Variants in TRIM2 observed in about 807,000 individuals in gnomAD.
TRIM2 encodes tripartite motif-containing protein 2.
A neutral mutation model predicts 75.2 loss-of-function variants in TRIM2; 20 were observed. The ratio of observed to expected loss-of-function variants is 0.27; its 90% CI spans 0.19 to 0.39. The LOEUF is 0.39. TRIM2 is among the 10% of genes least tolerant of loss of function. TRIM2 has a pLI of 1.00. For missense variants in TRIM2, 660 were observed against 990.8 expected, an observed-to-expected ratio of 0.67 and a Z score of 4.48; for synonymous variants, 373 against 388.3, an observed-to-expected ratio of 0.96 and a Z score of 0.46.
At chr4:153,193,561 T>C in intron 1 of TRIM2, among the ~76,000 whole-genome samples, 1 of 152,232 alleles carries the variant, frequency 6.6e-6, no homozygotes, top group East Asian at 1.9e-4. Flanking sequence ...TGCTAAACAC[T>C]GTTCTAAATG....
chr4:153,275,231 C>T (rs893290742), intron 2 of TRIM2, among the ~76,000 whole-genome samples: 7 of 152,116 alleles, frequency 4.6e-5, no homozygotes, highest in Non-Finnish European at 1.0e-4. Context: ...CAATGAGCAG[C>T]ATATGTGTGA....
At chr4:153,263,745 G>A (rs1297649018) in intron 1 of TRIM2, among the ~76,000 whole-genome samples, 1 of 152,226 alleles carries the variant, frequency 6.6e-6, no homozygotes, top group Non-Finnish European at 1.5e-5. Context: ...AGTTCTAGAG[G>A]TTAGGAAATC....
At chr4:153,163,590 T>C (rs1414891618) in intron 1 of TRIM2, among the ~76,000 whole-genome samples, 2 of 141,834 alleles carry the variant, frequency 1.4e-5, no homozygotes, top group East Asian at 4.3e-4. Context: ...CAACCTCCGC[T>C]TCCCAGGTTT....
At chr4:153,227,844 C>T (rs549208557) in intron 1 of TRIM2, among the ~76,000 whole-genome samples, 2 of 152,268 alleles carry the variant, frequency 1.3e-5, no homozygotes, top group Admixed American at 6.5e-5. Flanking sequence ...TTTGCCTTAG[C>T]AGCAGCAAAA....
At chr4:153,326,455 G>A (rs1278733680) in intron 10 of TRIM2, among the ~76,000 whole-genome samples, 3 of 152,088 alleles carry the variant, frequency 2.0e-5, no homozygotes, top group Non-Finnish European at 4.4e-5. Flanking sequence ...TGTAATGCTG[G>A]GCAGTTAGCA....
chr4:153,270,554 G>A (rs781745048), intron 2 of TRIM2, 35 bp downstream of exon 2: 6 of 1,557,948 alleles, frequency 3.9e-6, no homozygotes, highest in South Asian at 1.2e-5. Flanking sequence ...AGGGAGTTTC[G>A]CAGGCTGACC....
Position 153,337,698 on chromosome 4 carries a change from G to A in TRIM2, c.*2732G>A. ...TGGAAAATGGTTTCTGGTAAACTGAGAAGGATATTAAAATAAGTGGCTTTT... is the reference window on the plus strand; with the variant it reads ...TGGAAAATGGTTTCTGGTAAACTGAAAAGGATATTAAAATAAGTGGCTTTT... On this transcript the variant is annotated 3_prime_UTR_variant, in exon 12 of 12. Transcript: ENST00000338700. The A allele has an allele frequency of 2.0e-6, 2 of 985,820 alleles. No homozygotes were observed. Among genetic ancestry groups the A allele is most frequent in the South Asian group, 4.7e-5 (1 of 21,284 alleles). 61.1% of individuals were successfully genotyped at this position (985,820 alleles called of 1,614,324 possible).
intron 6 of TRIM2, among the ~76,000 whole-genome samples, chr4:153,298,714 C>T (rs568973471): frequency 2.0e-5 from 3 of 152,242 alleles, no homozygotes; most frequent in East Asian, 3.9e-4. Context: ...CTTTCAGCAA[C>T]TTTCAAGTGT....
intron 1 of TRIM2, among the ~76,000 whole-genome samples, chr4:153,233,312 A>G (rs920650463): frequency 2.6e-5 from 4 of 152,188 alleles, no homozygotes; most frequent in African/African-American, 9.6e-5. Flanking sequence ...AAAGAAAGGA[A>G]GGAAGGAAGT....
intron 3 of TRIM2, among the ~76,000 whole-genome samples, chr4:153,281,013 C>T (rs1040084796): frequency 6.6e-6 from 1 of 151,898 alleles, no homozygotes; most frequent in Non-Finnish European, 1.5e-5. Context: ...AAAGCACTTA[C>T]AAATTAAGAA....
At chr4:153,292,932 G>A (rs754426762) in intron 3 of TRIM2, 50 bp from the exon 4 acceptor site, 8 of 1,517,660 alleles carry the variant, frequency 5.3e-6, no homozygotes, top group Admixed American at 3.9e-5. Context: ...TGTAGAGTAA[G>A]CCCTCAACCC....
In TRIM2 at chr4:153,244,361, T is replaced by TTCC. The variant is rs1560874418; in HGVS notation, c.31-25972_31-25971insCTC. Among the ~76,000 whole-genome samples, 74 of 26,898 alleles carry TTCC rather than the reference T, an allele frequency of 2.8e-3. 1 individual carries two copies. The highest frequency in any genetic ancestry group is 3.5e-3 in the South Asian group (2 of 572). 17.6% of individuals were successfully genotyped at this position (26,898 alleles called of 152,430 possible). ...CTTCTTCTTCTTCTTCTTCCTCTTC[T>TTCC]TCTTCTTCTTCTTCTTCTTCTTCTT... On this transcript the variant is annotated intron_variant, in intron 1 of 11. Coordinates refer to ENST00000338700, the MANE Select transcript of TRIM2 (RefSeq NM_015271.5).
Position 153,335,498 on chromosome 4 carries a change from G to A in TRIM2, c.*532G>A. 1.0e-6 allele frequency: 1 copy of A among 985,350 alleles called. No homozygotes were observed. Among genetic ancestry groups the A allele is most frequent in the South Asian group, 4.7e-5 (1 of 21,284 alleles). 61.0% of individuals were successfully genotyped at this position (985,350 alleles called of 1,614,324 possible). A position where few individuals can be genotyped will look rare whatever the true frequency, so the allele number is the denominator to read the frequency against. On this transcript the variant is annotated 3_prime_UTR_variant, in exon 12 of 12. Transcript: ENST00000338700. ...ATATAAATTACTTTGGAAAAAGTAA[G>A]GCTGTCTTGCAAAATGATCCCAGCT...
Position 153,315,931 on chromosome 4 carries a change from G to A in TRIM2, c.1714G>A (p.Gly572Arg). 1 of 1,611,152 alleles carries A rather than the reference G, an allele frequency of 6.2e-7. No individual in the cohort carries two copies. The highest frequency in any genetic ancestry group is 8.5e-7 in the Non-Finnish European group (1 of 1,179,258). Reference sequence around the variant, plus strand: ...CACAGGAGTGGCTGTACATCCCAGTGGGGACATAATCATTGCCGATTATGA... The same window carrying A: ...CACAGGAGTGGCTGTACATCCCAGTAGGGACATAATCATTGCCGATTATGA... ...RPTGVAVHPS[G>R]DIIIADYDNK... The change falls in exon 8 of 12, where the codon GGG becomes AGG. Residue 572 changes from glycine to arginine, a missense_variant. Coordinates refer to ENST00000338700, the MANE Select transcript of TRIM2 (RefSeq NM_015271.5).
intron 1 of TRIM2, among the ~76,000 whole-genome samples, chr4:153,180,207 C>G (rs1040325977): frequency 2.0e-5 from 3 of 152,212 alleles, no homozygotes; most frequent in Non-Finnish European, 4.4e-5. Context: ...CCCATTAACT[C>G]TACTCATTTT....
rs761644850 is a variant in TRIM2 at position 153,295,639 on chromosome 4, G to A, written c.1113G>A (p.Met371Ile). Residue 371 changes from methionine to isoleucine, a missense_variant, in exon 6 of 12, where the codon ATG (methionine) becomes ATA (isoleucine). Physicochemically the swap from Met to Ile is conservative, Grantham distance 10. Around this residue, in one of 2 missense-constraint regions of TRIM2, gnomAD observed 620 missense variants for 891.0 expected, o/e 0.70. Coordinates refer to ENST00000338700, the MANE Select transcript of TRIM2 (RefSeq NM_015271.5). This position sits in a 1 kb window ranked among gnomAD's most constrained non-coding sequence, Gnocchi z 7.2. ...GGCAGACCATCATCGGGCAGCCCAT[G>A]TCCGTCACCATCACCACCAAGGACA... is the stretch of plus-strand genomic sequence containing the variant. ...GLRQTIIGQPMSVTITTKDKD... is the reference protein window; with the variant it reads ...GLRQTIIGQPISVTITTKDKD... The A allele has an allele frequency of 1.2e-5, 20 of 1,613,930 alleles. No homozygotes were observed. Among genetic ancestry groups the A allele is most frequent in the South Asian group, 1.1e-5 (1 of 91,074 alleles).
At position 153,339,175 on chromosome 4, in the gene TRIM2, C is replaced by CGTA. The variant is rs1365749104; in HGVS notation, c.*4210_*4212dup. The CGTA allele has an allele frequency of 1.1e-4, 105 of 985,642 alleles. No homozygotes were observed. Among genetic ancestry groups the CGTA allele is most frequent in the Non-Finnish European group, 1.1e-4 (94 of 829,912 alleles). The allele number at this position is 985,642 out of a possible 1,614,324, so 61.1% of individuals were successfully genotyped here. On this transcript the variant is annotated 3_prime_UTR_variant, in exon 12 of 12. Transcript: ENST00000338700. ...GTGTTTGTATGTTCGTAGCTACATA[C>CGTA]GTACCACAGTATTTTGGATGCTTTA...
intron 1 of TRIM2, among the ~76,000 whole-genome samples, chr4:153,246,918 G>T (rs985058554): frequency 2.6e-5 from 4 of 152,208 alleles, no homozygotes; most frequent in African/African-American, 9.6e-5. Context: ...CACTGGTCCA[G>T]ATGCAATGCC....
Position 153,295,571 on chromosome 4 carries a change from A to C in TRIM2, c.1045A>C (p.Asn349His). The C allele has an allele frequency of 6.2e-7, 1 of 1,613,380 alleles. No homozygotes were observed. The highest frequency in any genetic ancestry group is 8.5e-7 in the Non-Finnish European group (1 of 1,179,566). The change falls in exon 6 of 12, where the codon AAC (asparagine) becomes CAC (histidine). Residue 349 changes from asparagine (N) to histidine (H), a missense_variant. Around this residue, in one of 2 missense-constraint regions of TRIM2, gnomAD observed 620 missense variants for 891.0 expected, o/e 0.70. Transcript: ENST00000338700. The surrounding 1 kb of genome is among the most constrained non-coding windows in gnomAD (Gnocchi z 7.2). ...CAACCTCGGGACGATCTTAACCACC[A>C]ACGCCGTTGCCTCAGAGACAGTGGC... ...IHNLGTILTT[N>H]AVASETVATG...
Sources: gnomAD v4.1 joint callset for allele counts (sites outside exome capture counted in the v4.1 genomes callset) on GRCh38, gnomAD v4.1.1 for gene constraint, gnomAD v4.1.1 regional missense constraint, Gnocchi (gnomAD v3.1) non-coding constraint, MANE v1.5 for transcripts, NCBI Gene and HGNC (gene_info 2026-07-23, HGNC 2026-07-21) for gene names.